Variants in ANKS1B observed in about 807,000 individuals in gnomAD.
ANKS1B encodes the protein ankyrin repeat and sterile alpha motif domain-containing protein 1B.
In ANKS1B, 36 loss-of-function variants were observed where a neutral mutation model predicts 148.3. That is an observed-to-expected ratio of 0.24 (90% confidence interval 0.19 to 0.32). The LOEUF (loss-of-function observed/expected upper bound fraction) is 0.32, where lower values mean the gene tolerates loss of function less well. Among genes scored for constraint, ANKS1B ranks in the 10% least tolerant of loss-of-function variants. The pLI is 1.00. For synonymous variants in ANKS1B, 542 were observed against 560.8 expected, an observed-to-expected ratio of 0.97 and a Z score of 0.47; for missense variants, 1,157 against 1,542.6, an observed-to-expected ratio of 0.75 and a Z score of 4.19.
intron 8 of ANKS1B, among the ~76,000 whole-genome samples, chr12:99,740,602 G>T (rs542534537): frequency 1.5e-4 from 23 of 152,150 alleles, no homozygotes; most frequent in Non-Finnish European, 3.4e-4. Flanking sequence ...GAGAAATGGG[G>T]CCAGCAAGAT....
intron 11 of ANKS1B, among the ~76,000 whole-genome samples, chr12:99,435,262 A>G (rs2095440638): frequency 6.6e-6 from 1 of 151,976 alleles, no homozygotes; most frequent in Non-Finnish European, 1.5e-5. Flanking sequence ...CTCCTCCCAT[A>G]TCCCAAATTC....
chr12:98,943,333 A>G (rs2099840020), intron 17 of ANKS1B, among the ~76,000 whole-genome samples: 1 of 152,260 alleles, frequency 6.6e-6, no homozygotes, highest in South Asian at 2.1e-4. Flanking sequence ...CTTTAAAATG[A>G]TAACTGTATT....
At chr12:99,325,783 G>A (rs2086197378) in intron 12 of ANKS1B, among the ~76,000 whole-genome samples, 1 of 152,086 alleles carries the variant, frequency 6.6e-6, no homozygotes, top group Non-Finnish European at 1.5e-5. Flanking sequence ...CATAATCAAT[G>A]CAATGGCTAC....
At chr12:98,788,051 C>T (rs1177042028) in intron 22 of ANKS1B, among the ~76,000 whole-genome samples, 2 of 151,892 alleles carry the variant, frequency 1.3e-5, no homozygotes, top group Non-Finnish European at 2.9e-5. Flanking sequence ...GCAAAGCTTG[C>T]AGGAGGACCA....
chr12:99,076,200 G>A (rs577201777), intron 16 of ANKS1B, among the ~76,000 whole-genome samples: 25 of 152,230 alleles, frequency 1.6e-4, no homozygotes, highest in South Asian at 4.2e-4. Flanking sequence ...AGATGTAGGC[G>A]TTCTGAAGGC....
intron 1 of ANKS1B, among the ~76,000 whole-genome samples, chr12:99,947,035 G>A (rs2095082119): frequency 6.6e-6 from 1 of 152,120 alleles, no homozygotes; most frequent in Non-Finnish European, 1.5e-5. Context: ...AAATGGCCAA[G>A]GAGGACCTGT....
At chr12:99,559,066 C>T (rs372022790) in intron 9 of ANKS1B, among the ~76,000 whole-genome samples, 1 of 152,120 alleles carries the variant, frequency 6.6e-6, no homozygotes. Context: ...CGAAACCCTG[C>T]GCACCGTTCC....
At chr12:98,779,946 G>A (rs1407418152) in intron 24 of ANKS1B, among the ~76,000 whole-genome samples, 3 of 152,122 alleles carry the variant, frequency 2.0e-5, no homozygotes, top group Non-Finnish European at 4.4e-5. Context: ...TTCTATAACC[G>A]GGAGGTTGTT....
chr12:99,098,541 G>C (rs1289427061), intron 15 of ANKS1B, among the ~76,000 whole-genome samples: 1 of 146,842 alleles, frequency 6.8e-6, no homozygotes, highest in Non-Finnish European at 1.5e-5. Context: ...TAAGGATATG[G>C]TGACATAATG....
chr12:99,232,452 T>A (rs1009285088), intron 14 of ANKS1B, among the ~76,000 whole-genome samples: 1 of 152,228 alleles, frequency 6.6e-6, no homozygotes, highest in Non-Finnish European at 1.5e-5. Flanking sequence ...TATGAGATTA[T>A]CTGTCACCCT....
intron 9 of ANKS1B, among the ~76,000 whole-genome samples, chr12:99,646,787 A>C (rs2098372742): frequency 6.6e-6 from 1 of 151,852 alleles, no homozygotes; most frequent in African/African-American, 2.4e-5. Context: ...TTGAATTGAA[A>C]ATATTTGCAA....
At chr12:99,403,520 T>C (rs991845028) in intron 11 of ANKS1B, among the ~76,000 whole-genome samples, 1 of 144,798 alleles carries the variant, frequency 6.9e-6, no homozygotes, top group African/African-American at 2.6e-5. Context: ...TAATTTCTTA[T>C]AGATGCTGGA....
intron 8 of ANKS1B, among the ~76,000 whole-genome samples, chr12:99,676,785 A>G (rs2098575685): frequency 6.6e-6 from 1 of 152,228 alleles, no homozygotes; most frequent in Non-Finnish European, 1.5e-5. Flanking sequence ...GCTACTGTGA[A>G]GTCAAAATCT....
chr12:99,486,214 CT>C (rs1010558351), intron 10 of ANKS1B, among the ~76,000 whole-genome samples: 7 of 151,110 alleles, frequency 4.6e-5, no homozygotes, highest in African/African-American at 1.7e-4. Flanking sequence ...TTTAATATTC[CT>C]TTTTTCCCCT....
At chr12:99,911,687 TA>T (rs1355357959) in intron 1 of ANKS1B, among the ~76,000 whole-genome samples, 1 of 152,182 alleles carries the variant, frequency 6.6e-6, no homozygotes, top group Non-Finnish European at 1.5e-5. Context: ...GACAGAATAG[TA>T]TTAAAAAACC....
chr12:99,775,667 T>C lies in ANKS1B; in HGVS notation c.848-6A>G. The C allele has an allele frequency of 6.7e-7, 1 of 1,501,566 alleles. No homozygotes were observed. Among genetic ancestry groups the C allele is most frequent in the South Asian group, 1.3e-5 (1 of 77,690 alleles). The allele number at this position is 1,501,566 out of a possible 1,614,324, so 93.0% of individuals were successfully genotyped here. A position where few individuals can be genotyped will look rare whatever the true frequency, so the allele number is the denominator to read the frequency against. On this transcript the variant is annotated splice_polypyrimidine_tract_variant and splice_region_variant and intron_variant, in intron 6 of 26. Transcript: ENST00000683438. The stretch of plus-strand genomic sequence containing the variant: ...TCCCACGCCTTCTAAATACTCTGTG[T>C]GTATACATTTTTGAGATTACATACT...
At chr12:98,894,640 CGGGCTGGCCGCGAGCCGGGATCCGCGA>C (rs1354866378) in intron 17 of ANKS1B, 11 of 985,060 alleles carry the variant, frequency 1.1e-5, no homozygotes, top group African/African-American at 1.7e-5. Context: ...CCGAGCCGCT[CGGGCTGGCCGCGAGCCGGGATCCGCGA>C]GGGCTGGCGG....
At chr12:99,822,943 T>A (rs2082688234) in intron 2 of ANKS1B, among the ~76,000 whole-genome samples, 1 of 152,154 alleles carries the variant, frequency 6.6e-6, no homozygotes, top group South Asian at 2.1e-4. Context: ...CTATAAAAGA[T>A]GCCAACATTT....
chr12:98,739,826 AC>A (rs2097789363), downstream of ANKS1B, among the ~76,000 whole-genome samples: 5 of 151,276 alleles, frequency 3.3e-5, no homozygotes. Flanking sequence ...CCAGTTACAA[AC>A]CCCCATTCCT....
Sources: gnomAD v4.1 joint callset for allele counts (sites outside exome capture counted in the v4.1 genomes callset) on GRCh38, gnomAD v4.1.1 for gene constraint, MANE v1.5 for transcripts, NCBI Gene and HGNC (gene_info 2026-07-23, HGNC 2026-07-21) for gene names.